The following F11 variants were observed in gnomAD, a reference collection of about 807,000 sequenced individuals.
F11 encodes the protein coagulation factor XI.
In F11, 78 loss-of-function variants were observed where a neutral mutation model predicts 76.5. That is an observed-to-expected ratio of 1.02 (90% confidence interval 0.85 to 1.23). The LOEUF (loss-of-function observed/expected upper bound fraction) is 1.23. Among genes scored for constraint, F11 ranks in the 50% most tolerant of loss-of-function variants. The probability of loss-of-function intolerance (pLI) is 0.00; values close to 1 mark genes in which losing one functional copy is unlikely to be tolerated. For missense variants in F11, 742 were observed against 771.4 expected, an observed-to-expected ratio of 0.96 and a Z score of 0.45; for synonymous variants, 278 against 276.3, an observed-to-expected ratio of 1.01 and a Z score of -0.06.
In F11 at chr4:186,280,536, G is replaced by A. The variant is rs987135911; in HGVS notation, c.1091G>A (p.Gly364Glu). 3.7e-6 allele frequency: 6 copies of A among 1,614,020 alleles called. No individual in the cohort carries two copies. The African/African-American group carries it at 5.3e-5, about 14-fold the overall frequency. ...GSPTKILHGRGGISGYTLRLC... is the reference protein window; with the variant it reads ...GSPTKILHGREGISGYTLRLC... ...CCAACTAAAATACTTCACGGGAGAG[G>A]AGGCATCTCTGGATACACATTAAGG... The change falls in exon 10 of 15, where the codon GGA (glycine) becomes GAA (glutamate). Residue 364 changes from glycine (G) to glutamate (E), a missense_variant. Physicochemically the swap from Gly to Glu is moderately conservative, Grantham distance 98 (BLOSUM62 -2). Transcript: ENST00000403665.
chr4:186,288,683 C>G lies in F11; in HGVS notation c.*69C>G. 8.5e-6 allele frequency: 13 copies of G among 1,529,808 alleles called. No individual in the cohort carries two copies. Among genetic ancestry groups the G allele is most frequent in the Non-Finnish European group, 1.2e-5 (13 of 1,120,736 alleles). The allele number at this position is 1,529,808 out of a possible 1,614,324, so 94.8% of individuals were successfully genotyped here. On this transcript the variant is annotated 3_prime_UTR_variant, in exon 15 of 15. Coordinates refer to ENST00000403665, the MANE Select transcript of F11 (RefSeq NM_000128.4). ...TTGCTGGGAGAGGGTGTTGAGTTCA[C>G]TGTGCCAGCATGCTTCCTCCACAGT...
At chr4:186,270,742 G>T (rs976578719) in intron 2 of F11, among the ~76,000 whole-genome samples, 5 of 152,034 alleles carry the variant, frequency 3.3e-5, no homozygotes, top group African/African-American at 9.7e-5. Context: ...CGCCCAGGCT[G>T]GATTGCAGTG....
At chr4:186,268,334 C>T (rs377096693) in intron 2 of F11, among the ~76,000 whole-genome samples, 13 of 152,192 alleles carry the variant, frequency 8.5e-5, no homozygotes, top group African/African-American at 3.1e-4. Context: ...CTATCAGGGA[C>T]TTGAGCGTTC....
At chr4:186,280,856 CTTTTTTTTT>C (rs33985758) in intron 10 of F11, among the ~76,000 whole-genome samples, 8,852 of 108,470 alleles carry the variant, frequency 0.082, 511 homozygotes, top group African/African-American at 0.2. Flanking sequence ...TTCTTTCTTT[CTTTTTTTTT>C]TTTTTTTTTT....
chr4:186,287,580 T>G, intron 13 of F11, 104 bp from the exon 14 acceptor site: 1 of 420,316 alleles, frequency 2.4e-6, no homozygotes, highest in Non-Finnish European at 3.6e-6. Flanking sequence ...AGAGACTCCG[T>G]CTCAATTAAA....
chr4:186,282,857 C>T, intron 10 of F11: 1 of 985,294 alleles, frequency 1.0e-6, no homozygotes, highest in Non-Finnish European at 1.2e-6. Flanking sequence ...TCATCCTCTC[C>T]TCCTATTTGA....
chr4:186,280,392 C>T lies in F11; in HGVS notation c.1028+7C>T, dbSNP rs761429905. ...CATCCTGCAACGAAGGGAAGTAAGC[C>T]ATATGAAGGGTTATGCAGACACCCT... On this transcript the variant is annotated splice_region_variant and intron_variant, in intron 9 of 14. Coordinates refer to ENST00000403665, the MANE Select transcript of F11 (RefSeq NM_000128.4). 3 of 1,614,142 alleles carry T rather than the reference C, an allele frequency of 1.9e-6. No homozygotes were observed. Among genetic ancestry groups the T allele is most frequent in the South Asian group, 1.1e-5 (1 of 91,078 alleles).
intron 10 of F11, chr4:186,282,221 G>A (rs1740860104): frequency 1.0e-6 from 1 of 985,210 alleles, no homozygotes; most frequent in Admixed American, 6.2e-5. Context: ...TCTTCATTAT[G>A]GTTTTCTCTG....
chr4:186,284,358 T>C, intron 11 of F11, 98 bp downstream of exon 11: 1 of 1,212,402 alleles, frequency 8.2e-7, no homozygotes, highest in Non-Finnish European at 1.2e-6. Flanking sequence ...CCAATTAGAT[T>C]GTCTTATTTG....
At chr4:186,282,007 T>A (rs1380743298) in intron 10 of F11, 1 of 1,246,788 alleles carries the variant, frequency 8.0e-7, no homozygotes, top group Non-Finnish European at 1.1e-6. Context: ...TTACGTCGTA[T>A]CTCATACATT....
At chr4:186,275,661 G>A in intron 5 of F11, 126 bp from the exon 6 acceptor site, 1 of 713,184 alleles carries the variant, frequency 1.4e-6, no homozygotes, top group Non-Finnish European at 2.5e-6. Flanking sequence ...CAGCCATTCA[G>A]CCTCCCAGAT....
In F11 at chr4:186,288,547, G is replaced by A. The variant is rs1239471962; in HGVS notation, c.1811G>A (p.Arg604Gln). Residue 604 changes from arginine (R) to glutamine (Q), a missense_variant, in exon 15 of 15, where the codon CGG becomes CAG. Transcript: ENST00000403665. The part of the protein sequence containing the change: ...SWGEGCAQRE[R>Q]PGVYTNVVEY... ...GGCGAAGGCTGTGCTCAAAGGGAGC[G>A]GCCAGGTGTTTACACCAACGTGGTC... 6 of 1,614,106 alleles carry A rather than the reference G, an allele frequency of 3.7e-6. No individual in the cohort carries two copies. Among genetic ancestry groups the A allele is most frequent in the South Asian group, 2.2e-5 (2 of 91,072 alleles).
chr4:186,285,118 G>A lies in F11; in HGVS notation c.1305-520G>A, dbSNP rs190654183. Among the ~76,000 whole-genome samples, 1,049 of 152,208 alleles carry A rather than the reference G, an allele frequency of 6.9e-3. 5 individuals carry two copies. The highest frequency in any genetic ancestry group is 0.012 in the Non-Finnish European group (816 of 68,006). On this transcript the variant is annotated intron_variant, in intron 11 of 14. Coordinates refer to ENST00000403665, the MANE Select transcript of F11 (RefSeq NM_000128.4). ...TCCGTTTGCTACTTCAGTATCCTCC[G>A]AGTTGTTTCCAGACACAGTTTTGTG...
chr4:186,282,925 G>T, intron 10 of F11: 2 of 985,164 alleles, frequency 2.0e-6, no homozygotes. Flanking sequence ...GCCTAGAAAG[G>T]TTGTTTTACA....
At chr4:186,282,937 C>T in intron 10 of F11, 1 of 985,302 alleles carries the variant, frequency 1.0e-6, no homozygotes, top group Non-Finnish European at 1.2e-6. Context: ...TGTTTTACAC[C>T]CACAAAACTA....
chr4:186,282,591 T>G, intron 10 of F11: 4 of 985,396 alleles, frequency 4.1e-6, no homozygotes, highest in Non-Finnish European at 4.8e-6. Context: ...CAGCATAGGA[T>G]GAACCTCAAG....
At chr4:186,285,846 A>T in intron 12 of F11, 33 bp downstream of exon 12, 1 of 1,610,292 alleles carries the variant, frequency 6.2e-7, no homozygotes. Context: ...AGTTGTCTCC[A>T]ATGGTGAACT....
chr4:186,287,004 C>T (rs184914024), intron 13 of F11, among the ~76,000 whole-genome samples: 4 of 152,126 alleles, frequency 2.6e-5, no homozygotes, highest in Admixed American at 6.5e-5. Flanking sequence ...GATGGACTCT[C>T]GCTCTGTCGC....
rs761248034 is a variant in F11 at position 186,274,226 on chromosome 4, T to C, written c.436T>C (p.Cys146Arg). The C allele has an allele frequency of 1.2e-6, 2 of 1,614,246 alleles. No individual in the cohort carries two copies. ...AGAAAGATGCACGGATGACGTCCAC[T>C]GCCACTTTTTCACGTACGCCACAAG... Reference protein sequence around the residue: ...CQERCTDDVHCHFFTYATRQF... With the variant: ...CQERCTDDVHRHFFTYATRQF... The change falls in exon 5 of 15, where the codon TGC (cysteine) becomes CGC (arginine). Residue 146 changes from cysteine to arginine, a missense_variant. Cys to Arg is a radical substitution (Grantham distance 180). Transcript: ENST00000403665.
Sources: gnomAD v4.1 joint callset for allele counts (sites outside exome capture counted in the v4.1 genomes callset) on GRCh38, gnomAD v4.1.1 for gene constraint, MANE v1.5 for transcripts, NCBI Gene and HGNC (gene_info 2026-07-23, HGNC 2026-07-21) for gene names.